Variants in TNS2 observed in about 807,000 individuals in gnomAD.
The protein encoded by TNS2 is tensin 2.
A neutral mutation model predicts 155.7 loss-of-function variants in TNS2; 77 were observed. The observed-to-expected ratio is 0.49, with a 90% confidence interval of 0.41 to 0.60. The LOEUF (loss-of-function observed/expected upper bound fraction) is 0.60, where lower values mean the gene tolerates loss of function less well. Ranked by LOEUF, TNS2 falls within the 20% of genes least tolerant of loss-of-function variation. The pLI, the probability that TNS2 is intolerant of heterozygous loss-of-function variation, is 0.00. For missense variants in TNS2, 1,703 were observed against 1,868.8 expected (o/e 0.91, Z 1.64); for synonymous variants, 726 against 763.9 (o/e 0.95, Z 0.82).
rs1369751037 is a variant in TNS2 at position 53,053,936 on chromosome 12, A to AT, written c.301-28dup. The AT allele has an allele frequency of 2.5e-6, 4 of 1,613,976 alleles. No homozygotes were observed. The Admixed American group carries it at 6.7e-5, about 27-fold the overall frequency. On this transcript the variant is annotated intron_variant, in intron 5 of 28. Coordinates refer to ENST00000314250, the MANE Select transcript of TNS2 (RefSeq NM_170754.4). ...TCTAGAGTAGGGGGTACCCAAAGAG[A>AT]TGTCTAGACACTGTCTGTTAACCAC...
intron 11 of TNS2, among the ~76,000 whole-genome samples, chr12:53,057,321 G>A (rs1442444756): frequency 6.6e-6 from 1 of 152,234 alleles, no homozygotes; most frequent in Admixed American, 6.5e-5. Flanking sequence ...CAGTCATAAA[G>A]AGAACCTGAA....
chr12:53,055,711 C>G, intron 9 of TNS2, 21 bp downstream of exon 9: 1 of 1,614,188 alleles, frequency 6.2e-7, no homozygotes, highest in Non-Finnish European at 8.5e-7. Context: ...ACCTCGGGTT[C>G]CCTGGTGCCT....
At chr12:53,048,917 A>G (rs1943821045), upstream of TNS2, 2 of 428,078 alleles carry the variant, frequency 4.7e-6, no homozygotes, top group South Asian at 3.9e-5. Flanking sequence ...GGGACATTCA[A>G]TAAATACCAT....
Position 53,064,178 on chromosome 12 carries a change from G to A in TNS2, c.*296G>A. The A allele has an allele frequency of 2.7e-6, 1 of 372,822 alleles. No homozygotes were observed. The highest frequency in any genetic ancestry group is 4.9e-6 in the Non-Finnish European group (1 of 203,452). The allele number at this position is 372,822 out of a possible 1,614,324, so 23.1% of individuals were successfully genotyped here. On this transcript the variant is annotated 3_prime_UTR_variant, in exon 29 of 29. Transcript: ENST00000314250. ...AGGAGATCAGGCAGCCCCACCTGCAGGAGAACGTCAGCCCTCCAGGGGATC... is the reference window on the plus strand; with the variant it reads ...AGGAGATCAGGCAGCCCCACCTGCAAGAGAACGTCAGCCCTCCAGGGGATC...
In TNS2 at chr12:53,052,510, C is replaced by A. The variant is rs368533010; in HGVS notation, c.222+18C>A. The A allele has an allele frequency of 1.7e-5, 28 of 1,613,850 alleles. No individual in the cohort carries two copies. The highest frequency in any genetic ancestry group is 2.4e-5 in the Non-Finnish European group (28 of 1,179,840). On this transcript the variant is annotated intron_variant, in intron 3 of 28. Transcript: ENST00000314250. ...AAGCAAAGGTGGGTATCTGATTCTA[C>A]CTGATAGGGGGAGAGGGTCTGGAGT...
upstream of TNS2, among the ~76,000 whole-genome samples, chr12:53,047,623 A>C (rs1434719050): frequency 1.3e-5 from 2 of 151,632 alleles, no homozygotes; most frequent in Non-Finnish European, 2.9e-5. Context: ...CACGCCTTCC[A>C]GCACCCGGGG....
At position 53,058,697 on chromosome 12, in the gene TNS2, C is replaced by T. The variant is rs779029266; in HGVS notation, c.1292-17C>T. 3.2e-5 allele frequency: 51 copies of T among 1,613,854 alleles called. 1 individual carries two copies. The highest frequency in any genetic ancestry group is 4.0e-5 in the Non-Finnish European group (47 of 1,179,978). On this transcript the variant is annotated splice_polypyrimidine_tract_variant and intron_variant, in intron 16 of 28. Transcript: ENST00000314250. ...CGCCTCTCCCCTGCTCCCCAATACC[C>T]GAGTGGCCTTCCACAGGCAGCACTC...
rs750376770 is a variant in TNS2, at chr12:53,063,094, A to C, written c.3829A>C (p.Ser1277Arg). 2.2e-5 allele frequency: 34 copies of C among 1,543,686 alleles called. No homozygotes were observed. Among genetic ancestry groups the C allele is most frequent in the Non-Finnish European group, 3.0e-5 (34 of 1,147,388 alleles). Residue 1277 changes from serine (S) to arginine (R), a missense_variant, in exon 26 of 29, where the codon AGC becomes CGC. Ser to Arg is a moderately radical substitution (Grantham distance 110, BLOSUM62 -1). Coordinates refer to ENST00000314250, the MANE Select transcript of TNS2 (RefSeq NM_170754.4). This position sits in a 1 kb window ranked among gnomAD's most constrained non-coding sequence, Gnocchi z 5.6. ...CCCACTCCCTGCCCCTGTAGCCTGC[A>C]GCGTGCTCTACTTGACCTCAGTGGA... ...ADLLRQGAAC[S>R]VLYLTSVETE...
At position 53,059,627 on chromosome 12, in the gene TNS2, C is replaced by T. The variant is rs772411448; in HGVS notation, c.1986C>T (p.Ala662=). 1 of 1,613,124 alleles carries T rather than the reference C, an allele frequency of 6.2e-7. No homozygotes were observed. Among genetic ancestry groups the T allele is most frequent in the East Asian group, 2.2e-5 (1 of 44,884 alleles). Residue 662 remains alanine, a synonymous_variant, in exon 18 of 29, where the codon GCC becomes GCT. Coordinates refer to ENST00000314250, the MANE Select transcript of TNS2 (RefSeq NM_170754.4). This position sits in a 1 kb window ranked among gnomAD's most constrained non-coding sequence, Gnocchi z 4.7. The part of the protein sequence containing the change: ...YPYPPEMGKP[A]TGDFGYRAPG... Reference sequence around the variant, plus strand: ...ACCCACCTGAGATGGGGAAACCAGCCACTGGGGACTTTGGCTACCGCGCCC... The same window carrying T: ...ACCCACCTGAGATGGGGAAACCAGCTACTGGGGACTTTGGCTACCGCGCCC...
Position 53,063,615 on chromosome 12 carries a change from C to T in TNS2, c.4091+23C>T, listed in dbSNP as rs762943082. On this transcript the variant is annotated intron_variant, in intron 28 of 28. Transcript: ENST00000314250. This position sits in a 1 kb window ranked among gnomAD's most constrained non-coding sequence, Gnocchi z 5.6. ...CAAGTAAGCCTCCCCACGAATTCAG[C>T]CTCTTCCTTCCAAGGGACCAGGGCG... is the stretch of plus-strand genomic sequence containing the variant. 1.7e-5 allele frequency: 28 copies of T among 1,614,060 alleles called. No individual in the cohort carries two copies. The East Asian group carries it at 5.6e-4, about 32-fold the overall frequency.
chr12:53,063,683 G>A lies in TNS2; in HGVS notation c.4092-61G>A. The A allele has an allele frequency of 6.2e-7, 1 of 1,614,036 alleles. No individual in the cohort carries two copies. The highest frequency in any genetic ancestry group is 2.2e-5 in the East Asian group (1 of 44,872). ...CTGGCATTTGATTTGTCTCACCAAG[G>A]CCAGCTACATTCCCTTGTGGAAGGA... On this transcript the variant is annotated intron_variant, in intron 28 of 28. Coordinates refer to ENST00000314250, the MANE Select transcript of TNS2 (RefSeq NM_170754.4). The surrounding 1 kb of genome is among the most constrained non-coding windows in gnomAD (Gnocchi z 5.6).
chr12:53,053,915 G>T (rs1397232963), intron 5 of TNS2, 50 bp from the exon 6 acceptor site: 7 of 1,614,000 alleles, frequency 4.3e-6, no homozygotes, highest in Non-Finnish European at 5.9e-6. Context: ...GGGCAGTCTA[G>T]AGTAGGGGGT....
chr12:53,059,221 C>T lies in TNS2; in HGVS notation c.1580C>T (p.Ser527Phe), dbSNP rs761471654. The change falls in exon 18 of 29, where the codon TCC becomes TTC. Residue 527 changes from serine to phenylalanine, a missense_variant. Transcript: ENST00000314250. The surrounding 1 kb of genome is among the most constrained non-coding windows in gnomAD (Gnocchi z 4.7). ...STLTTEPAAE[S>F]PGRPPPTAAE... Reference sequence around the variant, plus strand: ...CTGACCACAGAGCCGGCTGCTGAGTCCCCTGGCCGGCCGCCCCCTACAGCT... The same window carrying T: ...CTGACCACAGAGCCGGCTGCTGAGTTCCCTGGCCGGCCGCCCCCTACAGCT... The T allele has an allele frequency of 6.4e-7, 1 of 1,558,322 alleles. No homozygotes were observed. The highest frequency in any genetic ancestry group is 8.6e-7 in the Non-Finnish European group (1 of 1,161,000).
intron 7 of TNS2, 70 bp downstream of exon 7, chr12:53,054,511 CT>C: frequency 6.9e-7 from 1 of 1,440,152 alleles, no homozygotes; most frequent in Non-Finnish European, 9.1e-7. Context: ...AGGCTAATCA[CT>C]GACGTCACCA....
chr12:53,061,334 G>A, intron 20 of TNS2, 46 bp from the exon 21 acceptor site: 2 of 1,612,868 alleles, frequency 1.2e-6, no homozygotes, highest in African/African-American at 1.3e-5. Context: ...GCATGGATGG[G>A]GACCCGGGTA....
intron 7 of TNS2, 116 bp downstream of exon 7, chr12:53,054,557 T>G (rs1472922542): frequency 3.2e-4 from 191 of 599,532 alleles, no homozygotes; most frequent in East Asian, 7.5e-4. Context: ...GGGACCAGAG[T>G]GGTGGGGTGG....
intron 3 of TNS2, 161 bp from the exon 4 acceptor site, chr12:53,053,250 C>A (rs906616035): frequency 1.3e-6 from 1 of 782,456 alleles, no homozygotes; most frequent in South Asian, 1.5e-5. Context: ...GACCAAGAGG[C>A]CAGAGGGGAG....
rs776441554 is a variant in TNS2 at position 53,063,905 on chromosome 12, C to T, written c.*23C>T. 6.2e-7 allele frequency: 1 copy of T among 1,612,496 alleles called. No individual in the cohort carries two copies. Among genetic ancestry groups the T allele is most frequent in the South Asian group, 1.1e-5 (1 of 90,856 alleles). The stretch of plus-strand genomic sequence containing the variant: ...TGAAGGAAGGCCACAAGCTCAGAGC[C>T]CACATCAACACTGCCCCCCTCCCAG... On this transcript the variant is annotated 3_prime_UTR_variant, in exon 29 of 29. Transcript: ENST00000314250. The surrounding 1 kb of genome is among the most constrained non-coding windows in gnomAD (Gnocchi z 5.6).
Position 53,060,773 on chromosome 12 carries a change from A to C in TNS2, c.2867A>C (p.Lys956Thr). The change falls in exon 20 of 29, where the codon AAG becomes ACG. Residue 956 changes from lysine (K) to threonine (T), a missense_variant. Coordinates refer to ENST00000314250, the MANE Select transcript of TNS2 (RefSeq NM_170754.4). This position sits in a 1 kb window ranked among gnomAD's most constrained non-coding sequence, Gnocchi z 6.1. ...LPPVSQAGTG[K>T]APELPSGSGP... ...CCTGTTTCCCAGGCAGGCACCGGAA[A>C]GGCCCCTGAGCTGCCGTCGGGAAGT... The C allele has an allele frequency of 1.2e-6, 2 of 1,612,134 alleles. No homozygotes were observed. Among genetic ancestry groups the C allele is most frequent in the Non-Finnish European group, 8.5e-7 (1 of 1,179,000 alleles).
Sources: allele counts gnomAD v4.1 joint callset (sites outside exome capture counted in the v4.1 genomes callset), GRCh38; gene constraint gnomAD v4.1.1; non-coding constraint Gnocchi (gnomAD v3.1); transcripts MANE v1.5; gene names NCBI Gene and HGNC (gene_info 2026-07-23, HGNC 2026-07-21).